Variants in MARCHF1 observed in about 807,000 individuals in gnomAD.
MARCHF1 encodes E3 ubiquitin-protein ligase MARCHF1.
Under a neutral mutation model 54.2 loss-of-function variants are expected in MARCHF1, and 40 were observed. The ratio of observed to expected loss-of-function variants is 0.74; its 90% CI spans 0.57 to 0.96. MARCHF1 has a LOEUF of 0.96. Ranked by LOEUF, MARCHF1 falls within the 40% of genes least tolerant of loss-of-function variation. MARCHF1 has a pLI of 0.00. For synonymous variants in MARCHF1, 236 were observed against 236.3 expected (o/e 1.00, Z 0.01); for missense variants, 586 against 656.5 (o/e 0.89, Z 1.17).
chr4:163,760,748 C>T (rs1398792641), intron 4 of MARCHF1, among the ~76,000 whole-genome samples: 1 of 152,050 alleles, frequency 6.6e-6, no homozygotes, highest in Non-Finnish European at 1.5e-5. Context: ...CTCAGAAATT[C>T]CCTGCGCTCT....
At chr4:164,127,493 T>C (rs1219560154) in intron 1 of MARCHF1, among the ~76,000 whole-genome samples, 1 of 152,138 alleles carries the variant, frequency 6.6e-6, no homozygotes, top group Non-Finnish European at 1.5e-5. Context: ...AGGGGAAAAT[T>C]ATATTTCCAG....
At chr4:164,036,000 G>T (rs950876320) in intron 2 of MARCHF1, among the ~76,000 whole-genome samples, 2 of 150,320 alleles carry the variant, frequency 1.3e-5, no homozygotes, top group Non-Finnish European at 3.0e-5. Context: ...CTACTCAGGA[G>T]GCTGAGGCAG....
intron 4 of MARCHF1, among the ~76,000 whole-genome samples, chr4:163,771,056 TA>T (rs1747142589): frequency 6.6e-6 from 1 of 152,248 alleles, no homozygotes; most frequent in African/African-American, 2.4e-5. Flanking sequence ...TATTCCATTA[TA>T]TTTTTTATAG....
intron 1 of MARCHF1, among the ~76,000 whole-genome samples, chr4:164,143,988 C>A (rs1729585761): frequency 6.6e-6 from 1 of 152,086 alleles, no homozygotes; most frequent in African/African-American, 2.4e-5. Context: ...ATCTACCAAG[C>A]AAATGGAAAA....
intron 5 of MARCHF1, among the ~76,000 whole-genome samples, chr4:163,670,410 CT>C (rs1263669245): frequency 6.6e-6 from 1 of 151,652 alleles, no homozygotes; most frequent in African/African-American, 2.4e-5. Context: ...ATCTATCTAT[CT>C]ATCTATCTAT....
rs553700736 is a variant in MARCHF1, at chr4:163,917,767, TTC to T, written c.-38-63600_-38-63599del. On this transcript the variant is annotated intron_variant, in intron 3 of 9. Transcript: ENST00000514618. ...CATCCATTAGCTATTCTTCCTGATA[TTC>T]TCTCTCTCACCGCTTATAGATTCTA... Among the ~76,000 whole-genome samples, 4 of 152,194 alleles carry T rather than the reference TTC, an allele frequency of 2.6e-5. No homozygotes were observed. The East Asian group carries it at 5.8e-4, about 22-fold the overall frequency.
Position 163,917,831 on chromosome 4 carries a change from A to C in MARCHF1, c.-38-63662T>G, listed in dbSNP as rs191519512. 2.0e-5 allele frequency among the ~76,000 whole-genome samples: 3 copies of C among 152,062 alleles called. No individual in the cohort carries two copies. In the East Asian group the frequency reaches 5.8e-4, roughly 29 times the overall value. Reference sequence around the variant, plus strand: ...TTTGTCAGATGGATAAATTGCAAAAATTTTCTCCCACTTTTTAGGTTGCCT... The same window carrying C: ...TTTGTCAGATGGATAAATTGCAAAACTTTTCTCCCACTTTTTAGGTTGCCT... On this transcript the variant is annotated intron_variant, in intron 3 of 9. Coordinates refer to ENST00000514618, the MANE Select transcript of MARCHF1 (RefSeq NM_001394959.1).
chr4:164,205,544 G>A (rs967566269), intron 1 of MARCHF1, among the ~76,000 whole-genome samples: 3 of 152,042 alleles, frequency 2.0e-5, no homozygotes, highest in African/African-American at 7.2e-5. Context: ...AGATTTTAAA[G>A]TTTCCTATTT....
At chr4:164,058,636 T>C (rs1398706434) in intron 2 of MARCHF1, among the ~76,000 whole-genome samples, 2 of 152,214 alleles carry the variant, frequency 1.3e-5, no homozygotes, top group Non-Finnish European at 1.5e-5. Flanking sequence ...CCCTGCATCC[T>C]GCCACCTCCC....
intron 4 of MARCHF1, among the ~76,000 whole-genome samples, chr4:163,722,322 C>T (rs536117562): frequency 6.6e-6 from 1 of 152,184 alleles, no homozygotes; most frequent in South Asian, 2.1e-4. Context: ...TGTTCAGTTT[C>T]CATGTAGTTG....
chr4:164,382,107 C>T (rs1044481482), intron 1 of MARCHF1, among the ~76,000 whole-genome samples: 1 of 152,182 alleles, frequency 6.6e-6, no homozygotes, highest in Admixed American at 6.5e-5. Context: ...TGACACAGCA[C>T]CTTCTGATAG....
intron 1 of MARCHF1, among the ~76,000 whole-genome samples, chr4:164,246,780 A>C (rs1471434187): frequency 3.2e-5 from 4 of 123,966 alleles, no homozygotes; most frequent in South Asian, 3.2e-4. Context: ...AAACAACCCC[A>C]TCAAAAAGTG....
intron 4 of MARCHF1, among the ~76,000 whole-genome samples, chr4:163,703,643 G>A (rs1744870241): frequency 6.6e-6 from 1 of 152,106 alleles, no homozygotes; most frequent in African/African-American, 2.4e-5. Flanking sequence ...AGCAACAAGA[G>A]TTCCTAACAA....
intron 4 of MARCHF1, among the ~76,000 whole-genome samples, chr4:163,764,935 T>C (rs967656561): frequency 6.6e-6 from 1 of 152,258 alleles, no homozygotes; most frequent in Non-Finnish European, 1.5e-5. Flanking sequence ...TATAAACTTA[T>C]ATGGAAAACA....
At chr4:164,242,763 C>T (rs1732813156) in intron 1 of MARCHF1, among the ~76,000 whole-genome samples, 1 of 151,962 alleles carries the variant, frequency 6.6e-6, no homozygotes, top group South Asian at 2.1e-4. Flanking sequence ...CTAGAATAAC[C>T]AATACAGACA....
chr4:164,068,262 G>A (rs1394484500), intron 2 of MARCHF1, among the ~76,000 whole-genome samples: 1 of 152,086 alleles, frequency 6.6e-6, no homozygotes, highest in East Asian at 1.9e-4. Flanking sequence ...GCTCACTCTC[G>A]GCACCTCCTC....
At position 164,291,635 on chromosome 4, in the gene MARCHF1, T is replaced by C. The variant is rs533756828; in HGVS notation, c.-323+92235A>G. Among the ~76,000 whole-genome samples the C allele has an allele frequency of 5.5e-4, 83 of 152,188 alleles. No homozygotes were observed. The Middle Eastern group carries it at 0.014, about 25-fold the overall frequency. ...TACTCCATACCCAGGATATATGGTA[T>C]AGCCTATTGCTCCTAGGCTACAAAC... On this transcript the variant is annotated intron_variant, in intron 1 of 9. Transcript: ENST00000514618.
At chr4:164,075,672 T>G (rs1322846204) in intron 2 of MARCHF1, among the ~76,000 whole-genome samples, 1 of 152,270 alleles carries the variant, frequency 6.6e-6, no homozygotes, top group African/African-American at 2.4e-5. Context: ...GAAACTGTGA[T>G]GTTAATTGAA....
At chr4:163,953,628 A>G (rs934092435) in intron 3 of MARCHF1, among the ~76,000 whole-genome samples, 1 of 152,168 alleles carries the variant, frequency 6.6e-6, no homozygotes, top group Non-Finnish European at 1.5e-5. Context: ...ACATACATTC[A>G]TATACTCAAT....
Sources: allele counts gnomAD v4.1 joint callset (sites outside exome capture counted in the v4.1 genomes callset), GRCh38; gene constraint gnomAD v4.1.1; transcripts MANE v1.5; gene names NCBI Gene and HGNC (gene_info 2026-07-23, HGNC 2026-07-21).